ZNF782: variants seen among roughly 807,000 people sequenced by gnomAD.
ZNF782 encodes the protein zinc finger protein 782.
A neutral mutation model predicts 13.0 loss-of-function variants in ZNF782; 12 were observed. The observed-to-expected ratio is 0.92, with a 90% confidence interval of 0.59 to 1.50. ZNF782 has a LOEUF of 1.50. ZNF782 is among the 40% of genes most tolerant of loss of function. The pLI, the probability that ZNF782 is intolerant of heterozygous loss-of-function variation, is 0.00. For missense variants in ZNF782, 770 were observed against 822.9 expected, an observed-to-expected ratio of 0.94 and a Z score of 0.79; for synonymous variants, 284 against 283.0, an observed-to-expected ratio of 1.00 and a Z score of -0.04.
At chr9:96,846,509 T>C (rs1851343372) in intron 3 of ZNF782, among the ~76,000 whole-genome samples, 1 of 151,918 alleles carries the variant, frequency 6.6e-6, no homozygotes, top group Non-Finnish European at 1.5e-5. Flanking sequence ...AAATATTCCA[T>C]GCAAATGGAA....
At chr9:96,825,437 T>G (rs1369201823) in intron 5 of ZNF782, among the ~76,000 whole-genome samples, 1 of 152,190 alleles carries the variant, frequency 6.6e-6, no homozygotes, top group Non-Finnish European at 1.5e-5. Context: ...ACGTTAGACC[T>G]GAAACCATCA....
the ZNF782 span, among the ~76,000 whole-genome samples, chr9:96,911,295 T>C: frequency 3.5e-5 from 5 of 142,626 alleles, no homozygotes; most frequent in African/African-American, 1.0e-4. Context: ...AAAAATTAGC[T>C]GGGCGCGGTG....
upstream of ZNF782, among the ~76,000 whole-genome samples, chr9:96,878,761 C>T (rs1851926027): frequency 6.6e-6 from 1 of 152,162 alleles, no homozygotes; most frequent in Admixed American, 6.5e-5. Context: ...GTTCATGCAT[C>T]TTTTGATATT....
intron 4 of ZNF782, among the ~76,000 whole-genome samples, chr9:96,843,923 A>G (rs1026483171): frequency 2.6e-5 from 4 of 152,214 alleles, no homozygotes; most frequent in African/African-American, 9.6e-5. Flanking sequence ...CTAAACAAAC[A>G]AAAATACTAA....
chr9:96,835,144 AAGAG>A (rs1564003187), intron 4 of ZNF782, among the ~76,000 whole-genome samples: 4 of 152,180 alleles, frequency 2.6e-5, no homozygotes, highest in Non-Finnish European at 5.9e-5. Flanking sequence ...GGCAGAACTT[AAGAG>A]TGGTGAACTA....
At chr9:96,867,359 G>C (rs943664465) in intron 1 of ZNF782, among the ~76,000 whole-genome samples, 1 of 152,138 alleles carries the variant, frequency 6.6e-6, no homozygotes, top group Non-Finnish European at 1.5e-5. Flanking sequence ...ATCCACATAA[G>C]ACATGACTTG....
At chr9:96,930,883 T>G in the ZNF782 span, among the ~76,000 whole-genome samples, 250 of 66,802 alleles carry the variant, frequency 3.7e-3, 1 homozygote, top group Middle Eastern at 5.7e-3. Context: ...TTTTTTTTTT[T>G]TTTTTTTTTT....
At chr9:96,920,312 G>A in the ZNF782 span, among the ~76,000 whole-genome samples, 1 of 148,100 alleles carries the variant, frequency 6.8e-6, no homozygotes, top group East Asian at 2.1e-4. Flanking sequence ...TGTTGCCCAG[G>A]CTGGAGTGCA....
intron 3 of ZNF782, 75 bp from the exon 4 acceptor site, chr9:96,845,091 T>C: frequency 6.4e-7 from 1 of 1,567,022 alleles, no homozygotes; most frequent in Non-Finnish European, 8.7e-7. Flanking sequence ...AACTAACTCA[T>C]TATGTTTACT....
At chr9:96,851,414 A>T (rs1851482259) in intron 3 of ZNF782, among the ~76,000 whole-genome samples, 1 of 152,152 alleles carries the variant, frequency 6.6e-6, no homozygotes, top group African/African-American at 2.4e-5. Context: ...TCATTTTTCT[A>T]AATTATTAGA....
chr9:96,902,084 G>A, the ZNF782 span, among the ~76,000 whole-genome samples: 1 of 151,980 alleles, frequency 6.6e-6, no homozygotes, highest in Non-Finnish European at 1.5e-5. Flanking sequence ...GGCAACCCTG[G>A]AGAATCCCCA....
At chr9:96,842,109 C>T (rs1166738493) in intron 4 of ZNF782, among the ~76,000 whole-genome samples, 1 of 151,882 alleles carries the variant, frequency 6.6e-6, no homozygotes, top group Non-Finnish European at 1.5e-5. Flanking sequence ...AATTACTCAA[C>T]CAAATGAAAT....
intron 4 of ZNF782, among the ~76,000 whole-genome samples, chr9:96,827,910 C>T (rs1746443590): frequency 6.6e-6 from 1 of 152,156 alleles, no homozygotes; most frequent in African/African-American, 2.4e-5. Flanking sequence ...GAGAGAGTTG[C>T]CAAACCAGAG....
chr9:96,931,682 G>A, the ZNF782 span: 5 of 1,608,728 alleles, frequency 3.1e-6, no homozygotes, highest in South Asian at 3.3e-5. Flanking sequence ...AGTGGACCTG[G>A]AGACGCCAGC....
At chr9:96,921,194 T>C in the ZNF782 span, among the ~76,000 whole-genome samples, 4 of 149,970 alleles carry the variant, frequency 2.7e-5, no homozygotes, top group Admixed American at 2.0e-4. Context: ...TTTTATAGTA[T>C]GGTCTAATTT....
At chr9:96,902,354 G>A in the ZNF782 span, among the ~76,000 whole-genome samples, 12 of 137,282 alleles carry the variant, frequency 8.7e-5, no homozygotes, top group South Asian at 2.3e-4. Context: ...AACCTGGGAG[G>A]TGGAAGTTGC....
chr9:96,851,833 T>C (rs1851496111), intron 3 of ZNF782, 114 bp downstream of exon 3: 1 of 1,100,092 alleles, frequency 9.1e-7, no homozygotes, highest in South Asian at 1.4e-5. Flanking sequence ...AAACTGTATA[T>C]ATTTTCCCTC....
the ZNF782 span, among the ~76,000 whole-genome samples, chr9:96,910,753 C>T: frequency 3.6e-4 from 53 of 148,790 alleles, no homozygotes; most frequent in African/African-American, 1.3e-3. Flanking sequence ...TCTCCTGCCT[C>T]AGCCTCCCGA....
chr9:96,843,595 G>T (rs904962834), intron 4 of ZNF782, among the ~76,000 whole-genome samples: 2 of 152,172 alleles, frequency 1.3e-5, no homozygotes, highest in African/African-American at 4.8e-5. Flanking sequence ...GTTCTGAATT[G>T]TAACTGTGGT....
Sources: allele counts gnomAD v4.1 joint callset (sites outside exome capture counted in the v4.1 genomes callset), GRCh38; gene constraint gnomAD v4.1.1; transcripts MANE v1.5; gene names NCBI Gene and HGNC (gene_info 2026-07-23, HGNC 2026-07-21).